CDH13: variants seen among roughly 807,000 people sequenced by gnomAD.
CDH13 encodes cadherin-13.
Under a neutral mutation model 63.8 loss-of-function variants are expected in CDH13, and 24 were observed. The ratio of observed to expected loss-of-function variants is 0.38; its 90% confidence interval spans 0.27 to 0.53. The LOEUF (loss-of-function observed/expected upper bound fraction) is 0.53. CDH13 is among the 20% of genes least tolerant of loss of function. CDH13 has a pLI of 0.85. For synonymous variants in CDH13, 503 were observed against 355.3 expected, an observed-to-expected ratio of 1.42 and a Z score of -4.67; for missense variants, 1,049 against 903.1, an observed-to-expected ratio of 1.16 and a Z score of -2.07.
chr16:82,771,534 G>T (rs980654395), intron 1 of CDH13, among the ~76,000 whole-genome samples: 2 of 152,278 alleles, frequency 1.3e-5, no homozygotes, highest in East Asian at 3.9e-4. Context: ...CTTCCTCCCC[G>T]AAAGTGGAGA....
At chr16:82,776,914 C>T (rs1378392922) in intron 1 of CDH13, among the ~76,000 whole-genome samples, 1 of 152,198 alleles carries the variant, frequency 6.6e-6, no homozygotes, top group African/African-American at 2.4e-5. Context: ...ATCAAGCTAA[C>T]AGTCACTTCC....
At chr16:83,627,232 G>T (rs111755222) in intron 8 of CDH13, among the ~76,000 whole-genome samples, 5 of 152,130 alleles carry the variant, frequency 3.3e-5, no homozygotes, top group Non-Finnish European at 7.3e-5. Flanking sequence ...AGAGGTTGCA[G>T]TGAGCCGAGA....
chr16:83,563,923 G>C (rs1177148417), intron 7 of CDH13, among the ~76,000 whole-genome samples: 1 of 152,144 alleles, frequency 6.6e-6, no homozygotes, highest in Non-Finnish European at 1.5e-5. Context: ...CCTGGAATCT[G>C]AGAGATCCAG....
At chr16:83,258,749 A>G (rs1428695924) in intron 5 of CDH13, among the ~76,000 whole-genome samples, 1 of 152,228 alleles carries the variant, frequency 6.6e-6, no homozygotes, top group Non-Finnish European at 1.5e-5. Flanking sequence ...TTGTGGTGTC[A>G]GACATTCTGC....
intron 1 of CDH13, among the ~76,000 whole-genome samples, chr16:82,656,665 C>T (rs1911330955): frequency 6.6e-6 from 1 of 152,158 alleles, no homozygotes; most frequent in Non-Finnish European, 1.5e-5. Context: ...TGTGTAAATT[C>T]ATGTATCCAC....
Position 83,382,414 on chromosome 16 carries a change from A to C in CDH13, c.781+37408A>C, listed in dbSNP as rs56193917. Among the ~76,000 whole-genome samples, 1,244 of 152,262 alleles carry C rather than the reference A, an allele frequency of 8.2e-3. 16 individuals carry two copies. Among genetic ancestry groups the C allele is most frequent in the African/African-American group, 0.029 (1,201 of 41,548 alleles). On this transcript the variant is annotated intron_variant, in intron 6 of 13. Coordinates refer to ENST00000567109, the MANE Select transcript of CDH13 (RefSeq NM_001257.5). ...TGTACAGAAAAGTTGCACGAACAGA[A>C]CAAAGAACTTCCATACCCCCTCATG... is the stretch of plus-strand genomic sequence containing the variant.
chr16:83,578,985 GT>G (rs1235107803), intron 7 of CDH13, among the ~76,000 whole-genome samples: 1 of 152,242 alleles, frequency 6.6e-6, no homozygotes, highest in Non-Finnish European at 1.5e-5. Flanking sequence ...CTGAGTGTCT[GT>G]TCCTGTTATG....
At chr16:82,899,460 T>G (rs969962244) in intron 2 of CDH13, among the ~76,000 whole-genome samples, 1 of 152,306 alleles carries the variant, frequency 6.6e-6, no homozygotes, top group Admixed American at 6.5e-5. Flanking sequence ...TCAGAATCCT[T>G]ATGTTATCTA....
chr16:83,517,397 G>A (rs2074722893), intron 7 of CDH13, among the ~76,000 whole-genome samples: 2 of 152,218 alleles, frequency 1.3e-5, no homozygotes, highest in Admixed American at 6.5e-5. Flanking sequence ...TCCAACATGG[G>A]TCTGCTGGGG....
At chr16:83,695,805 T>C (rs1905318546) in intron 10 of CDH13, among the ~76,000 whole-genome samples, 1 of 152,112 alleles carries the variant, frequency 6.6e-6, no homozygotes, top group African/African-American at 2.4e-5. Context: ...GGTGTGATCA[T>C]CCCTGTTCTA....
chr16:83,431,333 C>T (rs949459311), intron 6 of CDH13, among the ~76,000 whole-genome samples: 2 of 151,690 alleles, frequency 1.3e-5, no homozygotes, highest in Non-Finnish European at 2.9e-5. Flanking sequence ...AGGAGACAAC[C>T]ATAGGTTAGA....
chr16:83,625,000 C>T (rs1273158859), intron 8 of CDH13, among the ~76,000 whole-genome samples: 1 of 152,144 alleles, frequency 6.6e-6, no homozygotes, highest in Admixed American at 6.5e-5. Flanking sequence ...GCGGTGATAT[C>T]GAGTACATAG....
At position 82,708,135 on chromosome 16, in the gene CDH13, G is replaced by C. The variant is rs2031638592; in HGVS notation, c.45+80998G>C. Among the ~76,000 whole-genome samples the C allele has an allele frequency of 2.0e-5, 3 of 152,158 alleles. No individual in the cohort carries two copies. In the South Asian group the frequency reaches 6.2e-4, roughly 32 times the overall value. On this transcript the variant is annotated intron_variant, in intron 1 of 13. Transcript: ENST00000567109. ...AGTGCACGCATGGAGGCAAACATCT[G>C]TCTTTTACATTAGAGATGACTCCAA... is the stretch of plus-strand genomic sequence containing the variant.
At chr16:82,697,664 A>G (rs2030488016) in intron 1 of CDH13, among the ~76,000 whole-genome samples, 1 of 151,508 alleles carries the variant, frequency 6.6e-6, no homozygotes, top group Non-Finnish European at 1.5e-5. Flanking sequence ...TCCTGACCTC[A>G]TGATCCACCT....
At chr16:82,641,675 G>A (rs976305631) in intron 1 of CDH13, among the ~76,000 whole-genome samples, 2 of 152,224 alleles carry the variant, frequency 1.3e-5, no homozygotes, top group Non-Finnish European at 2.9e-5. Context: ...TGGGAGAAAA[G>A]TGGAGGCTGT....
At chr16:83,560,934 G>C (rs891659130) in intron 7 of CDH13, among the ~76,000 whole-genome samples, 2 of 151,984 alleles carry the variant, frequency 1.3e-5, no homozygotes, top group East Asian at 1.9e-4. Context: ...GGGTTGGGCA[G>C]ATTAACCTGG....
chr16:82,999,362 C>A (rs6565098), intron 2 of CDH13, among the ~76,000 whole-genome samples: 24,563 of 152,034 alleles, frequency 0.16, 2,382 homozygotes, highest in African/African-American at 0.26. Flanking sequence ...GACAAACTCC[C>A]AATAACAGGA....
chr16:83,501,375 C>G (rs916548633), intron 7 of CDH13, among the ~76,000 whole-genome samples: 4 of 152,318 alleles, frequency 2.6e-5, no homozygotes, highest in African/African-American at 7.2e-5. Context: ...GCTGATTTTT[C>G]TCCATGAAAG....
At chr16:83,379,027 G>A (rs960203291) in intron 6 of CDH13, among the ~76,000 whole-genome samples, 4 of 145,802 alleles carry the variant, frequency 2.7e-5, no homozygotes, top group African/African-American at 9.9e-5. Context: ...ACACACACAC[G>A]TGTGTGTATA....
Sources: gnomAD v4.1 joint callset for allele counts (sites outside exome capture counted in the v4.1 genomes callset) on GRCh38, gnomAD v4.1.1 for gene constraint, MANE v1.5 for transcripts, NCBI Gene and HGNC (gene_info 2026-07-23, HGNC 2026-07-21) for gene names.